Variants in MSI2 observed in about 807,000 individuals in gnomAD.
MSI2 encodes RNA-binding protein Musashi homolog 2.
In MSI2, 17 loss-of-function variants were observed where a neutral mutation model predicts 45.6. That is an observed-to-expected ratio of 0.37 (90% confidence interval 0.26 to 0.56). The LOEUF (loss-of-function observed/expected upper bound fraction) is 0.56, where lower values mean the gene tolerates loss of function less well. MSI2 is among the 20% of genes least tolerant of loss of function. The probability of loss-of-function intolerance (pLI) is 0.77; values close to 1 mark genes in which losing one functional copy is unlikely to be tolerated. For synonymous variants in MSI2, 156 were observed against 158.2 expected (o/e 0.99, Z 0.11); for missense variants, 293 against 444.2 (o/e 0.66, Z 3.06).
At chr17:57,665,131 G>A (rs988028092) in intron 11 of MSI2, among the ~76,000 whole-genome samples, 4 of 152,178 alleles carry the variant, frequency 2.6e-5, no homozygotes, top group South Asian at 2.1e-4. Flanking sequence ...TGGAGCCCAC[G>A]GCTCTCCAGC....
At position 57,445,676 on chromosome 17, in the gene MSI2, T is replaced by TA. The variant is rs1394445225; in HGVS notation, c.405+44206dup. On this transcript the variant is annotated intron_variant, in intron 6 of 13. Coordinates refer to ENST00000284073, the MANE Select transcript of MSI2 (RefSeq NM_138962.4). ...TAGACAATGTTTTAGTGAGGAAAAT[T>TA]ACAGTGTTTATAAGCCGTTTAAGGA... Among the ~76,000 whole-genome samples the TA allele has an allele frequency of 5.9e-5, 9 of 152,264 alleles. No homozygotes were observed. In the East Asian group the frequency reaches 1.7e-3, roughly 29 times the overall value.
intron 5 of MSI2, among the ~76,000 whole-genome samples, chr17:57,271,215 T>C (rs914397353): frequency 6.6e-6 from 1 of 152,206 alleles, no homozygotes; most frequent in Non-Finnish European, 1.5e-5. Flanking sequence ...AAGTTAATGC[T>C]AATGGATTCT....
intron 7 of MSI2, among the ~76,000 whole-genome samples, chr17:57,577,553 T>C (rs2088083099): frequency 6.6e-6 from 1 of 152,156 alleles, no homozygotes; most frequent in South Asian, 2.1e-4. Context: ...CAGTAGATGA[T>C]AGACAAGCAA....
chr17:57,476,644 A>G (rs1427424713), intron 6 of MSI2, among the ~76,000 whole-genome samples: 1 of 152,206 alleles, frequency 6.6e-6, no homozygotes, highest in Non-Finnish European at 1.5e-5. Context: ...GGTTCCTTCC[A>G]TCTTAGAGCT....
intron 9 of MSI2, among the ~76,000 whole-genome samples, chr17:57,618,844 G>A (rs567935696): frequency 6.6e-6 from 1 of 152,062 alleles, no homozygotes; most frequent in South Asian, 2.1e-4. Flanking sequence ...GCCCAGCAAC[G>A]CTGTCTCTTA....
chr17:57,438,188 G>A (rs975825884), intron 6 of MSI2, among the ~76,000 whole-genome samples: 2 of 152,162 alleles, frequency 1.3e-5, no homozygotes, highest in African/African-American at 2.4e-5. Context: ...GGCTGGGGAC[G>A]TGCCCAGAGG....
chr17:57,526,555 G>A (rs539464905), intron 6 of MSI2, among the ~76,000 whole-genome samples: 2 of 152,026 alleles, frequency 1.3e-5, no homozygotes, highest in East Asian at 1.9e-4. Flanking sequence ...ACATAGAACC[G>A]TGAGAAACAG....
At chr17:57,269,513 C>T (rs530791555) in intron 5 of MSI2, among the ~76,000 whole-genome samples, 20 of 152,302 alleles carry the variant, frequency 1.3e-4, no homozygotes, top group Middle Eastern at 3.4e-3. Flanking sequence ...GACTCTTCTT[C>T]TTCAGGAGTG....
intron 5 of MSI2, among the ~76,000 whole-genome samples, chr17:57,270,007 A>T (rs1406541116): frequency 6.6e-6 from 1 of 152,164 alleles, no homozygotes; most frequent in African/African-American, 2.4e-5. Context: ...CTGGGTCCAG[A>T]GTAGGATAAG....
rs55758229 is a variant in MSI2 at position 57,490,892 on chromosome 17, G to GTT, written c.406-38778_406-38777dup. Among the ~76,000 whole-genome samples, 12 of 152,026 alleles carry GTT rather than the reference G, an allele frequency of 7.9e-5. No homozygotes were observed. The East Asian group carries it at 1.6e-3, about 20-fold the overall frequency. On this transcript the variant is annotated intron_variant, in intron 6 of 13. Coordinates refer to ENST00000284073, the MANE Select transcript of MSI2 (RefSeq NM_138962.4). ...CCTCTACCTCTCTTTCTTCCCCTCT[G>GTT]TTTTTTTCTTTTCTAGCCAGGGGCA... is the stretch of plus-strand genomic sequence containing the variant.
chr17:57,329,325 A>C (rs1015615310), intron 5 of MSI2, among the ~76,000 whole-genome samples: 1 of 152,224 alleles, frequency 6.6e-6, no homozygotes, highest in Non-Finnish European at 1.5e-5. Context: ...CAAGTAAATA[A>C]TTTTTTTAAA....
At chr17:57,367,341 A>AC (rs1462262172) in intron 5 of MSI2, among the ~76,000 whole-genome samples, 1 of 152,178 alleles carries the variant, frequency 6.6e-6, no homozygotes, top group Admixed American at 6.5e-5. Flanking sequence ...TGGAATATTA[A>AC]CTCAGTAGAT....
chr17:57,351,278 G>T (rs1028784905), intron 5 of MSI2, among the ~76,000 whole-genome samples: 1 of 152,110 alleles, frequency 6.6e-6, no homozygotes, highest in African/African-American at 2.4e-5. Context: ...TCTCTTGTGG[G>T]AGTGTAGGCT....
At chr17:57,259,186 C>T (rs1472799531) in intron 4 of MSI2, among the ~76,000 whole-genome samples, 1 of 152,062 alleles carries the variant, frequency 6.6e-6, no homozygotes, top group East Asian at 1.9e-4. Flanking sequence ...TTTATGTCTA[C>T]CAGAGTTTCC....
At chr17:57,361,073 TG>T (rs1916777841) in intron 5 of MSI2, among the ~76,000 whole-genome samples, 1 of 152,048 alleles carries the variant, frequency 6.6e-6, no homozygotes, top group Non-Finnish European at 1.5e-5. Flanking sequence ...CTGAACTGAG[TG>T]GGGGGTATGT....
chr17:57,701,321 A>G, the MSI2 span, among the ~76,000 whole-genome samples: 1 of 152,190 alleles, frequency 6.6e-6, no homozygotes, highest in East Asian at 1.9e-4. Flanking sequence ...TAAATCCCCA[A>G]TTTGATGGTA....
rs558479773 is a variant in MSI2 at position 57,359,074 on chromosome 17, CA to C, written c.313-42304del. Among the ~76,000 whole-genome samples, 8 of 152,272 alleles carry C rather than the reference CA, an allele frequency of 5.3e-5. 1 individual carries two copies. The South Asian group carries it at 1.7e-3, about 32-fold the overall frequency. ...AGGTGAACAGGTGGTCCTGCCATCC[CA>C]GTGGCAGGGGCCCCTTCCTTTCTCC... On this transcript the variant is annotated intron_variant, in intron 5 of 13. Transcript: ENST00000284073.
In MSI2 at chr17:57,510,938, G is replaced by A. The variant is rs190058843; in HGVS notation, c.406-18738G>A. On this transcript the variant is annotated intron_variant, in intron 6 of 13. Coordinates refer to ENST00000284073, the MANE Select transcript of MSI2 (RefSeq NM_138962.4). ...TCCTGTCTCTGCCTCGCTGTATCCC[G>A]CTCTCTGGAGGTGGGAGGGAGCTGT... 3.9e-3 allele frequency among the ~76,000 whole-genome samples: 594 copies of A among 152,266 alleles called. 3 individuals carry two copies. The highest frequency in any genetic ancestry group is 0.013 in the African/African-American group (555 of 41,542).
At chr17:57,400,600 A>C (rs754682731) in intron 5 of MSI2, among the ~76,000 whole-genome samples, 10 of 152,224 alleles carry the variant, frequency 6.6e-5, no homozygotes, top group Non-Finnish European at 1.5e-4. Context: ...AGGGATATGG[A>C]GACACTGTTA....
Sources: allele counts gnomAD v4.1 joint callset (sites outside exome capture counted in the v4.1 genomes callset), GRCh38; gene constraint gnomAD v4.1.1; transcripts MANE v1.5; gene names NCBI Gene and HGNC (gene_info 2026-07-23, HGNC 2026-07-21).